The following IQGAP2 variants were observed in gnomAD, a reference collection of about 807,000 sequenced individuals.
The protein encoded by IQGAP2 is IQ motif containing GTPase activating protein 2, also known as ras GTPase-activating-like protein IQGAP2.
Under a neutral mutation model 201.3 loss-of-function variants are expected in IQGAP2, and 173 were observed. The observed-to-expected ratio is 0.86, with a 90% confidence interval of 0.76 to 0.98. The LOEUF is 0.98. IQGAP2 is among the 50% of genes least tolerant of loss of function. IQGAP2 has a pLI of 0.00. For synonymous variants in IQGAP2, 675 were observed against 673.9 expected, an observed-to-expected ratio of 1.00 and a Z score of -0.03; for missense variants, 1,687 against 1,864.8, an observed-to-expected ratio of 0.90 and a Z score of 1.76.
At chr5:76,441,487 T>A (rs920348036) in intron 1 of IQGAP2, 2 of 985,092 alleles carry the variant, frequency 2.0e-6, no homozygotes, top group Admixed American at 6.2e-5. Flanking sequence ...AAAGAAGGAA[T>A]TACGAGCCTG....
At chr5:76,404,990 A>C (rs1404094328) in intron 1 of IQGAP2, among the ~76,000 whole-genome samples, 1 of 152,234 alleles carries the variant, frequency 6.6e-6, no homozygotes, top group Non-Finnish European at 1.5e-5. Context: ...TGCCAACCTC[A>C]GGTTGGTGGA....
intron 17 of IQGAP2, among the ~76,000 whole-genome samples, chr5:76,644,686 G>C (rs527716481): frequency 6.6e-6 from 1 of 152,180 alleles, no homozygotes; most frequent in East Asian, 1.9e-4. Flanking sequence ...CCTCTAATTA[G>C]AGAAGAGATT....
chr5:76,437,639 T>C lies in IQGAP2; in HGVS notation c.47-23931T>C, dbSNP rs57321667. Reference sequence around the variant, plus strand: ...AGAACGTGTGGTGTTTGGTTTTTTGTTCCTGTGTTAGTTTGCTGAGGATAA... The same window carrying C: ...AGAACGTGTGGTGTTTGGTTTTTTGCTCCTGTGTTAGTTTGCTGAGGATAA... On this transcript the variant is annotated intron_variant, in intron 1 of 35. Transcript: ENST00000274364. Among the ~76,000 whole-genome samples, 293 of 152,336 alleles carry C rather than the reference T, an allele frequency of 1.9e-3. 1 individual carries two copies. The highest frequency in any genetic ancestry group is 6.6e-3 in the African/African-American group (274 of 41,576).
chr5:76,427,189 A>G (rs935997747), intron 1 of IQGAP2, among the ~76,000 whole-genome samples: 2 of 152,160 alleles, frequency 1.3e-5, no homozygotes, highest in African/African-American at 4.8e-5. Context: ...CACCTGTGAC[A>G]ACACAAAATG....
At chr5:76,618,576 G>C (rs1749259329) in intron 13 of IQGAP2, 1 of 1,614,032 alleles carries the variant, frequency 6.2e-7, no homozygotes, top group Non-Finnish European at 8.5e-7. Flanking sequence ...AGAATTTGGG[G>C]GAGCTCCACG....
At chr5:76,668,538 T>C in intron 22 of IQGAP2, 143 bp from the exon 23 acceptor site, 3 of 630,022 alleles carry the variant, frequency 4.8e-6, no homozygotes, top group Non-Finnish European at 8.0e-6. Context: ...ATATAAAAAT[T>C]ATTTTATATA....
At chr5:76,518,629 G>T (rs192893253) in intron 2 of IQGAP2, among the ~76,000 whole-genome samples, 1 of 152,104 alleles carries the variant, frequency 6.6e-6, no homozygotes, top group Non-Finnish European at 1.5e-5. Flanking sequence ...AAGTAATGGC[G>T]GTTCTTCTGG....
At chr5:76,465,598 G>C (rs1465597716) in intron 2 of IQGAP2, among the ~76,000 whole-genome samples, 1 of 152,138 alleles carries the variant, frequency 6.6e-6, no homozygotes, top group Non-Finnish European at 1.5e-5. Flanking sequence ...ATTTCTAAGG[G>C]ATGTTTTCTG....
In IQGAP2 at chr5:76,496,763, TTCTTTCTTTCTTTCTTTC is replaced by T. The variant is rs1561416578; in HGVS notation, c.146+35096_146+35113del. ...TTTCTTTCTTTCTTTCTTTCTTTCT[TTCTTTCTTTCTTTCTTTC>T]TTTCTTTCTTTCTCTTTCTTTCTTT... is the stretch of plus-strand genomic sequence containing the variant. On this transcript the variant is annotated intron_variant, in intron 2 of 35. Coordinates refer to ENST00000274364, the MANE Select transcript of IQGAP2 (RefSeq NM_006633.5). Among the ~76,000 whole-genome samples, 60 of 113,576 alleles carry T rather than the reference TTCTTTCTTTCTTTCTTTC, an allele frequency of 5.3e-4. 2 individuals are homozygous for T. The highest frequency in any genetic ancestry group is 3.3e-3 in the African/African-American group (59 of 18,118). 74.5% of individuals were successfully genotyped at this position (113,576 alleles called of 152,430 possible).
chr5:76,432,100 T>TAATGG (rs1752400719), intron 1 of IQGAP2, among the ~76,000 whole-genome samples: 1 of 150,098 alleles, frequency 6.7e-6, no homozygotes, highest in South Asian at 2.1e-4. Context: ...TTTATGACTT[T>TAATGG]AATGGAATTG....
chr5:76,623,653 A>G (rs112621828), intron 13 of IQGAP2, among the ~76,000 whole-genome samples: 23 of 152,360 alleles, frequency 1.5e-4, no homozygotes, highest in African/African-American at 4.3e-4. Context: ...TTCATTTCTT[A>G]TCCGTTTTAA....
At chr5:76,441,392 G>A in intron 1 of IQGAP2, 1 of 458,366 alleles carries the variant, frequency 2.2e-6, no homozygotes, top group Non-Finnish European at 2.9e-6. Flanking sequence ...CTTCCCGGAA[G>A]GAATCAGGAA....
At chr5:76,469,882 T>G (rs1290471522) in intron 2 of IQGAP2, among the ~76,000 whole-genome samples, 1 of 152,186 alleles carries the variant, frequency 6.6e-6, no homozygotes, top group African/African-American at 2.4e-5. Flanking sequence ...GTATATGTAT[T>G]AGTTGCCTAT....
chr5:76,581,309 A>G (rs1375342653), intron 5 of IQGAP2, among the ~76,000 whole-genome samples: 1 of 152,212 alleles, frequency 6.6e-6, no homozygotes, highest in Non-Finnish European at 1.5e-5. Flanking sequence ...TATCAGATTG[A>G]TTATATCTCT....
intron 13 of IQGAP2, among the ~76,000 whole-genome samples, chr5:76,613,881 C>T (rs150528521): frequency 0.015 from 2,346 of 152,148 alleles, 54 homozygotes; most frequent in African/African-American, 0.051. Flanking sequence ...TTTGTAGAGA[C>T]GAGGTTTCAC....
chr5:76,661,827 A>C (rs1366416583), intron 21 of IQGAP2, among the ~76,000 whole-genome samples: 2 of 152,172 alleles, frequency 1.3e-5, no homozygotes, highest in African/African-American at 4.8e-5. Flanking sequence ...CAAGCCCTTC[A>C]TACTAGCCCA....
chr5:76,701,019 C>T (rs1207375703), intron 33 of IQGAP2, 57 bp from the exon 34 acceptor site: 1 of 1,585,264 alleles, frequency 6.3e-7, no homozygotes, highest in Admixed American at 1.7e-5. Context: ...AATCGCACTA[C>T]CAGAAGCCTC....
intron 2 of IQGAP2, among the ~76,000 whole-genome samples, chr5:76,483,152 C>G (rs1221988484): frequency 1.3e-5 from 2 of 152,162 alleles, no homozygotes; most frequent in African/African-American, 2.4e-5. Flanking sequence ...CCTTCAGCTG[C>G]TTTTTATTGA....
intron 1 of IQGAP2, among the ~76,000 whole-genome samples, chr5:76,449,474 C>T (rs564473238): frequency 6.6e-6 from 1 of 152,306 alleles, no homozygotes; most frequent in South Asian, 2.1e-4. Flanking sequence ...TCCACCTTAT[C>T]CCTTTTCTCT....
Sources: allele counts gnomAD v4.1 joint callset (sites outside exome capture counted in the v4.1 genomes callset), GRCh38; gene constraint gnomAD v4.1.1; transcripts MANE v1.5; gene names NCBI Gene and HGNC (gene_info 2026-07-23, HGNC 2026-07-21).